SEMA3D: variants seen among roughly 807,000 people sequenced by gnomAD.
SEMA3D encodes the protein semaphorin-3D.
SEMA3D carries 84 observed loss-of-function variants against 100.1 expected under a neutral mutation model. The ratio of observed to expected loss-of-function variants is 0.84; its 90% CI spans 0.70 to 1.01. The LOEUF is 1.01. Among genes scored for constraint, SEMA3D ranks in the 50% least tolerant of loss-of-function variants. SEMA3D has a pLI of 0.00. For missense variants in SEMA3D, 875 were observed against 934.1 expected (o/e 0.94, Z 0.82); for synonymous variants, 312 against 320.7 (o/e 0.97, Z 0.29).
chr7:85,028,246 A>C, intron 12 of SEMA3D: 1 of 695,098 alleles, frequency 1.4e-6, no homozygotes, highest in South Asian at 1.5e-5. Context: ...GACTGTTACC[A>C]ATGCTGTGGT....
intron 2 of SEMA3D, chr7:85,141,528 A>T: frequency 1.0e-6 from 1 of 984,938 alleles, no homozygotes; most frequent in Non-Finnish European, 1.2e-6. Flanking sequence ...TACATGAATG[A>T]CCACAAAGTC....
At chr7:85,072,464 T>G (rs1012374591) in intron 6 of SEMA3D, among the ~76,000 whole-genome samples, 1 of 152,090 alleles carries the variant, frequency 6.6e-6, no homozygotes, top group Non-Finnish European at 1.5e-5. Context: ...AAAATGAATT[T>G]TTACCAATAG....
chr7:85,103,204 G>GA (rs1310142360), intron 3 of SEMA3D, among the ~76,000 whole-genome samples: 3 of 151,580 alleles, frequency 2.0e-5, no homozygotes, highest in South Asian at 2.1e-4. Context: ...AACCAAAACA[G>GA]AAAAAAAATT....
At chr7:85,034,949 G>A (rs1292554001) in intron 12 of SEMA3D, among the ~76,000 whole-genome samples, 2 of 152,026 alleles carry the variant, frequency 1.3e-5, no homozygotes, top group African/African-American at 4.8e-5. Flanking sequence ...ACTACATGAT[G>A]CAGCAATCCT....
chr7:85,013,869 C>A (rs781183601), intron 16 of SEMA3D, among the ~76,000 whole-genome samples: 1 of 151,806 alleles, frequency 6.6e-6, no homozygotes, highest in East Asian at 2.0e-4. Flanking sequence ...GGAACAGGGT[C>A]AATTCATCAA....
At chr7:85,029,500 G>T in intron 12 of SEMA3D, 1 of 659,792 alleles carries the variant, frequency 1.5e-6, no homozygotes, top group South Asian at 1.5e-5. Flanking sequence ...CAACTGGCTC[G>T]ACAAGAATCA....
intron 8 of SEMA3D, among the ~76,000 whole-genome samples, chr7:85,060,571 C>G (rs376099041): frequency 1.3e-5 from 2 of 152,166 alleles, no homozygotes; most frequent in East Asian, 1.9e-4. Context: ...TGAAATCATG[C>G]ATTTTCAGAT....
At chr7:85,083,001 C>T (rs979167179) in intron 4 of SEMA3D, among the ~76,000 whole-genome samples, 29 of 152,128 alleles carry the variant, frequency 1.9e-4, no homozygotes, top group African/African-American at 7.0e-4. Context: ...TAAATAGTAG[C>T]CAGCAGTCAA....
intron 1 of SEMA3D, among the ~76,000 whole-genome samples, chr7:85,164,790 A>T (rs368961552): frequency 6.6e-6 from 1 of 152,118 alleles, no homozygotes; most frequent in African/African-American, 2.4e-5. Context: ...TGATTTTAGA[A>T]CTTAGAACCT....
chr7:85,072,883 C>A lies in SEMA3D; in HGVS notation c.495+79G>T. ...TATGTTTCAGTCCTTATATTCAAAT[C>A]TGCCTGTTTTATGTCATAGGAATTA... On this transcript the variant is annotated intron_variant, in intron 6 of 18. Transcript: ENST00000284136. The A allele has an allele frequency of 4.3e-6, 5 of 1,175,060 alleles. No individual in the cohort carries two copies. The South Asian group carries it at 4.4e-5, about 10-fold the overall frequency. The allele number at this position is 1,175,060 out of a possible 1,614,324, so 72.8% of individuals were successfully genotyped here.
chr7:85,149,081 T>A (rs570559611), intron 2 of SEMA3D, among the ~76,000 whole-genome samples: 3 of 152,032 alleles, frequency 2.0e-5, no homozygotes, highest in Non-Finnish European at 4.4e-5. Flanking sequence ...TAACACCAAA[T>A]CTTAAAATGT....
At chr7:85,171,418 C>T (rs1026792942) in intron 1 of SEMA3D, among the ~76,000 whole-genome samples, 8 of 151,884 alleles carry the variant, frequency 5.3e-5, no homozygotes, top group Non-Finnish European at 1.2e-4. Flanking sequence ...AGAAAGGGAA[C>T]AGTCAGGGGA....
chr7:85,234,505 T>G, the SEMA3D span, among the ~76,000 whole-genome samples: 6 of 152,322 alleles, frequency 3.9e-5, 1 homozygote, highest in South Asian at 1.2e-3. Flanking sequence ...ACCACTGTAC[T>G]GGAGTTGCTC....
intron 9 of SEMA3D, among the ~76,000 whole-genome samples, chr7:85,051,375 G>T (rs998015002): frequency 6.6e-6 from 1 of 151,722 alleles, no homozygotes; most frequent in Non-Finnish European, 1.5e-5. Flanking sequence ...TTTGATAAGC[G>T]ACATTTTTGA....
At chr7:85,181,345 C>CACACACACAA (rs1157505897) in intron 1 of SEMA3D, among the ~76,000 whole-genome samples, 22 of 128,308 alleles carry the variant, frequency 1.7e-4, no homozygotes, top group African/African-American at 4.4e-4. Context: ...CACACACACA[C>CACACACACAA]ACACACACAC....
chr7:85,037,141 T>A, intron 11 of SEMA3D, 108 bp from the exon 12 acceptor site: 1 of 1,009,568 alleles, frequency 9.9e-7, no homozygotes, highest in Non-Finnish European at 1.4e-6. Context: ...CTTAGCACAT[T>A]AAATTTGATG....
Position 85,121,744 on chromosome 7 carries a change from T to A in SEMA3D, c.148A>T (p.Lys50Ter), listed in dbSNP as rs1789418518. Reference sequence around the variant, plus strand: ...TAGAAAATATGTATATATTTACCTTTGTAGGTTAGCTTGAGTCTTGGAATA... The same window carrying A: ...TAGAAAATATGTATATATTTACCTTAGTAGGTTAGCTTGAGTCTTGGAATA... ...QNIPRLKLTY[K>*]DLLLSNSCIP... is the part of the protein sequence containing the mutation. Residue 50 changes from lysine to a stop codon, truncating the protein, a stop_gained, in exon 3 of 19, where the codon AAA (lysine) becomes TAA (stop). Coordinates refer to ENST00000284136, the MANE Select transcript of SEMA3D (RefSeq NM_001384900.1). LOFTEE classifies it high-confidence loss of function. 6.5e-7 allele frequency: 1 copy of A among 1,544,946 alleles called. No individual in the cohort carries two copies. The highest frequency in any genetic ancestry group is 8.9e-7 in the Non-Finnish European group (1 of 1,129,522).
At chr7:85,148,047 G>A (rs1452070163) in intron 2 of SEMA3D, among the ~76,000 whole-genome samples, 2 of 152,054 alleles carry the variant, frequency 1.3e-5, no homozygotes, top group Admixed American at 1.3e-4. Context: ...CTCTTCTATG[G>A]TCAGAGATCA....
chr7:85,062,743 T>C (rs923296478), intron 8 of SEMA3D, among the ~76,000 whole-genome samples: 62 of 152,198 alleles, frequency 4.1e-4, no homozygotes, highest in Non-Finnish European at 1.0e-4. Flanking sequence ...ATAATCTTTT[T>C]TCTTTTAATC....
Sources: gnomAD v4.1 joint callset for allele counts (sites outside exome capture counted in the v4.1 genomes callset) on GRCh38, gnomAD v4.1.1 for gene constraint, MANE v1.5 for transcripts, NCBI Gene and HGNC (gene_info 2026-07-23, HGNC 2026-07-21) for gene names.